Variants in SCUBE2 observed in about 807,000 individuals in gnomAD.
SCUBE2 encodes the protein signal peptide, CUB domain and EGF like domain containing 2, also known as signal peptide, CUB and EGF-like domain-containing protein 2.
A neutral mutation model predicts 125.9 loss-of-function variants in SCUBE2; 114 were observed. The ratio of observed to expected loss-of-function variants is 0.91; its 90% CI spans 0.78 to 1.06. The LOEUF (loss-of-function observed/expected upper bound fraction) is 1.06. SCUBE2 is among the 50% of genes least tolerant of loss of function. The probability of loss-of-function intolerance (pLI) is 0.00; values close to 1 mark genes in which losing one functional copy is unlikely to be tolerated. For synonymous variants in SCUBE2, 459 were observed against 492.9 expected (o/e 0.93, Z 0.91); for missense variants, 1,255 against 1,301.8 (o/e 0.96, Z 0.55).
At chr11:9,056,157 T>G (rs1028070453) in intron 9 of SCUBE2, among the ~76,000 whole-genome samples, 1 of 152,220 alleles carries the variant, frequency 6.6e-6, no homozygotes, top group African/African-American at 2.4e-5. Flanking sequence ...CAAAACTCAG[T>G]TGGTCTCTTT....
At position 9,030,876 on chromosome 11, in the gene SCUBE2, C is replaced by A. The variant is rs7395988; in HGVS notation, c.2223G>T (p.Gln741His). The change falls in exon 18 of 23, where the codon CAG becomes CAT. Residue 741 changes from glutamine (Q) to histidine (H), a missense_variant. By Grantham distance (24) the Gln-to-His change is conservative (BLOSUM62 0). Coordinates refer to ENST00000649792, the MANE Select transcript of SCUBE2 (RefSeq NM_001367977.2). ...GCTGGAACGTGCCCAGGGCACAGAG[C>A]TGGCAAGGTGCAAAGCCATCTGCAG... ...EYSADGFAPC[Q>H]LCALGTFQPE... is the part of the protein sequence containing the mutation. The A allele has an allele frequency of 4.5e-4, 722 of 1,614,212 alleles. 5 individuals are homozygous for A. The African/African-American group carries it at 8.8e-3, about 20-fold the overall frequency.
chr11:9,074,236 G>A (rs149848049), intron 4 of SCUBE2, among the ~76,000 whole-genome samples: 1 of 152,332 alleles, frequency 6.6e-6, no homozygotes, highest in South Asian at 2.1e-4. Flanking sequence ...ATTAGAATCA[G>A]AAAATGTGAG....
At position 9,024,841 on chromosome 11, in the gene SCUBE2, C is replaced by T. The variant is rs1023073283; in HGVS notation, c.2854+861G>A. Among the ~76,000 whole-genome samples the T allele has an allele frequency of 6.6e-5, 10 of 152,206 alleles. 1 individual carries two copies. Among genetic ancestry groups the T allele is most frequent in the Admixed American group, 1.3e-4 (2 of 15,282 alleles). ...TAACTGCTGCTGCTGCTTCCATGCT[C>T]ACATAGGGCTTTGGGCTGTTATAGC... On this transcript the variant is annotated intron_variant, in intron 21 of 22. Coordinates refer to ENST00000649792, the MANE Select transcript of SCUBE2 (RefSeq NM_001367977.2).
At chr11:9,024,438 T>G in intron 21 of SCUBE2, 1 of 1,280,574 alleles carries the variant, frequency 7.8e-7, no homozygotes, top group African/African-American at 1.5e-5. Context: ...TGATGATCCG[T>G]GCTTTTGTTA....
intron 16 of SCUBE2, among the ~76,000 whole-genome samples, chr11:9,041,678 G>C (rs765908086): frequency 3.9e-5 from 6 of 152,186 alleles, no homozygotes; most frequent in Non-Finnish European, 5.9e-5. Context: ...AAATCAGACT[G>C]AAGAGAAATG....
chr11:9,039,468 TGA>T (rs1276168028), intron 16 of SCUBE2, among the ~76,000 whole-genome samples: 1 of 152,096 alleles, frequency 6.6e-6, no homozygotes, highest in Non-Finnish European at 1.5e-5. Flanking sequence ...ATTTGAAGCT[TGA>T]GAGGATAAGA....
chr11:9,064,467 TAA>T (rs112249412), intron 7 of SCUBE2: 20 of 129,984 alleles, frequency 1.5e-4, no homozygotes, highest in Non-Finnish European at 1.8e-4. Context: ...GACTCTGTCT[TAA>T]AAAAAAAAAA....
chr11:9,060,692 C>T (rs1859595845), intron 7 of SCUBE2, among the ~76,000 whole-genome samples, 168 bp from the exon 8 acceptor site: 1 of 152,106 alleles, frequency 6.6e-6, no homozygotes, highest in Non-Finnish European at 1.5e-5. Flanking sequence ...TCCCACCCCC[C>T]TAAATGAGTT....
chr11:9,067,083 T>G (rs1035962561), intron 5 of SCUBE2, among the ~76,000 whole-genome samples: 1 of 152,180 alleles, frequency 6.6e-6, no homozygotes, highest in Non-Finnish European at 1.5e-5. Flanking sequence ...GGAGAGACTT[T>G]TATTATATAA....
intron 7 of SCUBE2, 115 bp from the exon 8 acceptor site, chr11:9,060,639 C>G (rs1441496930): frequency 1.3e-6 from 1 of 779,362 alleles, no homozygotes; most frequent in East Asian, 2.5e-5. Context: ...CCCCAAGTCT[C>G]TGCTACCTGC....
At chr11:9,057,967 T>C (rs1488098263) in intron 9 of SCUBE2, among the ~76,000 whole-genome samples, 1 of 152,202 alleles carries the variant, frequency 6.6e-6, no homozygotes, top group Non-Finnish European at 1.5e-5. Flanking sequence ...AGAAAACAGC[T>C]TTCCCCCACC....
intron 12 of SCUBE2, 131 bp downstream of exon 12, chr11:9,052,968 A>G (rs557091418): frequency 9.7e-7 from 1 of 1,028,534 alleles, no homozygotes; most frequent in Non-Finnish European, 1.4e-6. Context: ...CGAAGCATGG[A>G]CCTCTCAAAG....
chr11:9,053,506 G>T, intron 11 of SCUBE2, 131 bp downstream of exon 11: 1 of 1,061,686 alleles, frequency 9.4e-7, no homozygotes, highest in South Asian at 1.5e-5. Flanking sequence ...ACTATTTAAA[G>T]AACAGTTGCT....
chr11:9,027,254 C>T, intron 20 of SCUBE2, 110 bp downstream of exon 20: 1 of 996,730 alleles, frequency 1.0e-6, no homozygotes, highest in Non-Finnish European at 1.5e-6. Flanking sequence ...CACCTCTGCT[C>T]TAATATGGAG....
chr11:9,067,634 G>A (rs1159328581), intron 5 of SCUBE2, among the ~76,000 whole-genome samples: 1 of 152,178 alleles, frequency 6.6e-6, no homozygotes, highest in Non-Finnish European at 1.5e-5. Context: ...AATTGAAACA[G>A]CTGGTTATGT....
rs1855913069 is a variant in SCUBE2 at position 9,027,684 on chromosome 11, A to G, written c.2504-123T>C. The stretch of plus-strand genomic sequence containing the variant: ...AGGAATGGGGCATGAAAATGACACC[A>G]TCTGGGAATGAGTCTGTCCTTCCCA... On this transcript the variant is annotated intron_variant, in intron 19 of 22. Coordinates refer to ENST00000649792, the MANE Select transcript of SCUBE2 (RefSeq NM_001367977.2). 3.8e-6 allele frequency: 3 copies of G among 797,656 alleles called. No individual in the cohort carries two copies. The South Asian group carries it at 5.3e-5, about 14-fold the overall frequency. 49.4% of individuals were successfully genotyped at this position (797,656 alleles called of 1,614,324 possible).
chr11:9,058,473 G>A (rs539755442), intron 9 of SCUBE2, among the ~76,000 whole-genome samples: 2 of 151,874 alleles, frequency 1.3e-5, no homozygotes, highest in African/African-American at 4.8e-5. Flanking sequence ...GTGCGCACCT[G>A]TAGTCCCAGA....
intron 16 of SCUBE2, among the ~76,000 whole-genome samples, chr11:9,040,412 A>T (rs976437223): frequency 6.6e-6 from 1 of 152,228 alleles, no homozygotes; most frequent in African/African-American, 2.4e-5. Flanking sequence ...CTACTATGTG[A>T]CTAACATGGG....
chr11:9,041,990 C>G (rs11042160), intron 16 of SCUBE2, among the ~76,000 whole-genome samples: 20,239 of 152,000 alleles, frequency 0.13, 1,364 homozygotes, highest in Middle Eastern at 0.17. Context: ...CATGGGCTGC[C>G]CATCCATTTT....
Sources: gnomAD v4.1 joint callset for allele counts (sites outside exome capture counted in the v4.1 genomes callset) on GRCh38, gnomAD v4.1.1 for gene constraint, MANE v1.5 for transcripts, NCBI Gene and HGNC (gene_info 2026-07-23, HGNC 2026-07-21) for gene names.